Variants in MCF2 observed in about 807,000 individuals in gnomAD.
MCF2 encodes MCF.2 cell line derived transforming sequence.
In MCF2, 44 loss-of-function variants were observed where a neutral mutation model predicts 82.5. That is an observed-to-expected ratio of 0.53 (90% CI 0.42 to 0.69). The LOEUF (loss-of-function observed/expected upper bound fraction) is 0.69, where lower values mean the gene tolerates loss of function less well. Among genes scored for constraint, MCF2 ranks in the 30% least tolerant of loss-of-function variants. The probability of loss-of-function intolerance (pLI) is 0.00; values close to 1 mark genes in which losing one functional copy is unlikely to be tolerated. For missense variants in MCF2, 623 were observed against 663.1 expected, an observed-to-expected ratio of 0.94 and a Z score of 0.66; for synonymous variants, 217 against 224.9, an observed-to-expected ratio of 0.96 and a Z score of 0.32.
chrX:139,658,014 G>A (rs1461611427), intron 1 of MCF2, among the ~76,000 whole-genome samples: 2 of 111,424 alleles, frequency 1.8e-5, no homozygotes, highest in Non-Finnish European at 3.8e-5. Context: ...GACTGGAATA[G>A]ATTATCTTTT....
exon 25 of MCF2, chrX:139,582,168 G>A (rs1019514728): frequency 7.0e-5 from 25 of 355,411 alleles, no homozygotes; most frequent in East Asian, 3.9e-4. Context: ...AAGGCACACC[G>A]ATTGCATTTG....
At chrX:139,686,331 CCT>C (rs1278242445) in intron 1 of MCF2, among the ~76,000 whole-genome samples, 1 of 111,101 alleles carries the variant, frequency 9.0e-6, no homozygotes, top group Non-Finnish European at 1.9e-5. Context: ...TCAAATTATC[CCT>C]GTTTGCAGAC....
rs764323333 is a variant in MCF2 at position 139,617,862 on chromosome X, CACAAACAA to C, written c.808-166_808-159del. Among the ~76,000 whole-genome samples the C allele has an allele frequency of 3.1e-5, 3 of 98,222 alleles. No homozygotes were observed. In the Admixed American group the frequency reaches 3.3e-4, roughly 11 times the overall value. 85.3% of individuals were successfully genotyped at this position (98,222 alleles called of 115,157 possible). A position where few individuals can be genotyped will look rare whatever the true frequency, so the allele number is the denominator to read the frequency against. On this transcript the variant is annotated intron_variant, in intron 7 of 24. Coordinates refer to ENST00000370576, the Ensembl canonical transcript of MCF2. ...CTTCTTCAGGCTGCAAAAAAAAAAA[CACAAACAA>C]ACAAACAAAAAAACAAAAACAAAAA...
intron 1 of MCF2, among the ~76,000 whole-genome samples, chrX:139,667,741 C>A (rs1316510142): frequency 1.2e-4 from 13 of 111,730 alleles, no homozygotes; most frequent in African/African-American, 4.2e-4. Context: ...AGCAGCCATG[C>A]TAAGGCCCTG....
At chrX:139,669,396 T>C (rs181897336) in intron 1 of MCF2, among the ~76,000 whole-genome samples, 1 of 112,232 alleles carries the variant, frequency 8.9e-6, no homozygotes, top group East Asian at 2.8e-4. Flanking sequence ...TGTTGATTAG[T>C]ACGTGGACAA....
At chrX:139,706,247 A>G (rs1935587450) in intron 1 of MCF2, among the ~76,000 whole-genome samples, 1 of 112,752 alleles carries the variant, frequency 8.9e-6, no homozygotes, top group Non-Finnish European at 1.9e-5. Flanking sequence ...TATTCTACCA[A>G]AAAGACACAT....
intron 1 of MCF2, among the ~76,000 whole-genome samples, chrX:139,697,700 C>A (rs1308802977): frequency 8.9e-6 from 1 of 112,004 alleles, no homozygotes; most frequent in Non-Finnish European, 1.9e-5. Flanking sequence ...TCAGGAAATT[C>A]CTCAGAAATT....
At chrX:139,630,661 C>T (rs1195987407) in intron 3 of MCF2, among the ~76,000 whole-genome samples, 1 of 112,002 alleles carries the variant, frequency 8.9e-6, no homozygotes, top group Non-Finnish European at 1.9e-5. Context: ...GAGTGAAGAA[C>T]AAGTATGAGG....
intron 1 of MCF2, among the ~76,000 whole-genome samples, chrX:139,704,175 T>C (rs1935549796): frequency 8.9e-6 from 1 of 111,797 alleles, no homozygotes; most frequent in Admixed American, 9.5e-5. Context: ...ACCATTCACC[T>C]TGAGAACCAG....
chrX:139,670,490 G>C (rs1479562280), intron 1 of MCF2, among the ~76,000 whole-genome samples: 2 of 110,083 alleles, frequency 1.8e-5, no homozygotes, highest in Admixed American at 1.9e-4. Context: ...AGGCCCCGGG[G>C]TGTGATGTTC....
At chrX:139,674,376 G>A (rs988542517) in intron 1 of MCF2, among the ~76,000 whole-genome samples, 1 of 111,542 alleles carries the variant, frequency 9.0e-6, no homozygotes, top group Non-Finnish European at 1.9e-5. Context: ...GATGTTAGCT[G>A]GTTACTTTGC....
intron 1 of MCF2, among the ~76,000 whole-genome samples, chrX:139,700,148 A>G (rs1194854052): frequency 9.0e-6 from 1 of 111,625 alleles, no homozygotes; most frequent in Admixed American, 9.6e-5. Flanking sequence ...GTGATGGAGG[A>G]TGATGAGAGG....
At chrX:139,671,508 A>G (rs1934691728) in intron 1 of MCF2, among the ~76,000 whole-genome samples, 1 of 111,480 alleles carries the variant, frequency 9.0e-6, no homozygotes, top group African/African-American at 3.3e-5. Flanking sequence ...TAAGGAAGGG[A>G]TCCAGTTTCA....
At chrX:139,604,404 G>A (rs898889811) in intron 15 of MCF2, among the ~76,000 whole-genome samples, 4 of 110,299 alleles carry the variant, frequency 3.6e-5, no homozygotes, top group African/African-American at 1.3e-4. Flanking sequence ...ATGGTCCCTG[G>A]ATTACTAGGA....
chrX:139,603,557 C>T (rs1930725773), intron 15 of MCF2, among the ~76,000 whole-genome samples: 1 of 112,304 alleles, frequency 8.9e-6, no homozygotes, highest in Non-Finnish European at 1.9e-5. Context: ...ACATCTTAGC[C>T]GGACACGGTG....
Position 139,631,635 on chromosome X carries a change from CT to C in MCF2, c.172-125del. 6.9e-6 allele frequency: 3 copies of C among 436,557 alleles called. No homozygotes were observed. The Admixed American group carries it at 9.1e-5, about 13-fold the overall frequency. 36.0% of individuals were successfully genotyped at this position (436,557 alleles called of 1,213,427 possible). The stretch of plus-strand genomic sequence containing the variant: ...CCTCTGATAAATGGTTTTAACAGTT[CT>C]CTCCTGTACATGCCCCCATACATGT... On this transcript the variant is annotated intron_variant, in intron 2 of 24. Transcript: ENST00000370576.
chrX:139,689,370 T>C (rs1476985532), intron 1 of MCF2, among the ~76,000 whole-genome samples: 1 of 111,933 alleles, frequency 8.9e-6, no homozygotes, highest in African/African-American at 3.3e-5. Context: ...GCATCATTCC[T>C]GGTGTGGTCT....
intron 3 of MCF2, among the ~76,000 whole-genome samples, chrX:139,631,064 A>C (rs1449171745): frequency 8.9e-6 from 1 of 111,781 alleles, no homozygotes; most frequent in Non-Finnish European, 1.9e-5. Context: ...ATAACTAAAA[A>C]TCAGCAGGGC....
intron 1 of MCF2, among the ~76,000 whole-genome samples, chrX:139,695,710 C>T (rs774129687): frequency 5.4e-5 from 6 of 111,890 alleles, no homozygotes; most frequent in African/African-American, 1.9e-4. Context: ...CTTTCATGCC[C>T]GTTCATCCTA....
Sources: allele counts gnomAD v4.1 joint callset (sites outside exome capture counted in the v4.1 genomes callset), GRCh38; gene constraint gnomAD v4.1.1; transcripts MANE v1.5; gene names NCBI Gene and HGNC (gene_info 2026-07-23, HGNC 2026-07-21).